ADAMTS17: variants seen among roughly 807,000 people sequenced by gnomAD.
ADAMTS17 encodes ADAM metallopeptidase with thrombospondin type 1 motif 17, also known as A disintegrin and metalloproteinase with thrombospondin motifs 17.
A neutral mutation model predicts 141.5 loss-of-function variants in ADAMTS17; 113 were observed. The ratio of observed to expected loss-of-function variants is 0.80; its 90% confidence interval spans 0.69 to 0.93. The LOEUF is 0.93. ADAMTS17 is among the 40% of genes least tolerant of loss of function. ADAMTS17 has a pLI of 0.00. For synonymous variants in ADAMTS17, 768 were observed against 630.6 expected, an observed-to-expected ratio of 1.22 and a Z score of -3.27; for missense variants, 1,659 against 1,517.9, an observed-to-expected ratio of 1.09 and a Z score of -1.54.
chr15:100,268,818 C>T lies in ADAMTS17; in HGVS notation c.790-6383G>A, dbSNP rs115841142. Among the ~76,000 whole-genome samples the T allele has an allele frequency of 3.3e-3, 502 of 152,194 alleles. 2 individuals carry two copies. The highest frequency in any genetic ancestry group is 0.011 in the African/African-American group (464 of 41,502). ...TAGAACCAAAAAAGGGGCAGAACAGCCAAAGCAATCCTAAGCAAAAATAAT... is the reference window on the plus strand; with the variant it reads ...TAGAACCAAAAAAGGGGCAGAACAGTCAAAGCAATCCTAAGCAAAAATAAT... On this transcript the variant is annotated intron_variant, in intron 4 of 21. Coordinates refer to ENST00000268070, the MANE Select transcript of ADAMTS17 (RefSeq NM_139057.4).
chr15:100,032,623 T>C (rs991127207), intron 18 of ADAMTS17, among the ~76,000 whole-genome samples: 2 of 152,172 alleles, frequency 1.3e-5, no homozygotes, highest in African/African-American at 2.4e-5. Context: ...TGGATATCAA[T>C]TTAGAGCTGC....
At chr15:100,110,502 G>C (rs2141108789) in intron 13 of ADAMTS17, among the ~76,000 whole-genome samples, 1 of 152,062 alleles carries the variant, frequency 6.6e-6, no homozygotes, top group Admixed American at 6.6e-5. Flanking sequence ...CTGACCTCGT[G>C]ACTTGCCTGC....
intron 4 of ADAMTS17, among the ~76,000 whole-genome samples, chr15:100,262,722 T>C (rs973684849): frequency 2.7e-5 from 4 of 150,822 alleles, no homozygotes; most frequent in Non-Finnish European, 4.4e-5. Context: ...AAAATACAAA[T>C]TCCATTCATA....
At chr15:100,298,665 A>G (rs770970770) in intron 3 of ADAMTS17, among the ~76,000 whole-genome samples, 32 of 152,222 alleles carry the variant, frequency 2.1e-4, no homozygotes, top group Non-Finnish European at 3.5e-4. Context: ...CACCAAGTAC[A>G]TGCACAAAGA....
At chr15:100,246,698 T>C (rs577671156) in intron 7 of ADAMTS17, among the ~76,000 whole-genome samples, 2 of 152,240 alleles carry the variant, frequency 1.3e-5, no homozygotes, top group East Asian at 3.9e-4. Context: ...TCGTAGGCAA[T>C]GTCTGGAGAC....
At chr15:100,106,490 C>T (rs1401359443) in intron 14 of ADAMTS17, among the ~76,000 whole-genome samples, 1 of 152,172 alleles carries the variant, frequency 6.6e-6, no homozygotes, top group Non-Finnish European at 1.5e-5. Context: ...TATGGAACAT[C>T]CTCTAGTTGA....
At chr15:100,012,432 T>C (rs1033196772) in intron 18 of ADAMTS17, among the ~76,000 whole-genome samples, 2 of 152,228 alleles carry the variant, frequency 1.3e-5, no homozygotes, top group African/African-American at 4.8e-5. Flanking sequence ...GGTTGCTTTT[T>C]AGTTCTTGGT....
intron 7 of ADAMTS17, among the ~76,000 whole-genome samples, chr15:100,219,974 G>C (rs1255144512): frequency 6.6e-6 from 1 of 152,148 alleles, no homozygotes; most frequent in Non-Finnish European, 1.5e-5. Flanking sequence ...AATTTTATGA[G>C]GCGGGTACAA....
At chr15:100,132,823 A>T (rs1174553810) in intron 11 of ADAMTS17, among the ~76,000 whole-genome samples, 1 of 152,174 alleles carries the variant, frequency 6.6e-6, no homozygotes, top group Non-Finnish European at 1.5e-5. Context: ...ATGAGGAACA[A>T]GCTCATTCTC....
chr15:100,281,195 G>GC (rs751171561), intron 4 of ADAMTS17, 34 bp downstream of exon 4: 5 of 1,599,608 alleles, frequency 3.1e-6, no homozygotes, highest in Non-Finnish European at 3.4e-6. Context: ...AGAAAACAGA[G>GC]CCCCCCACAT....
At chr15:100,206,121 G>A (rs1013135707) in intron 7 of ADAMTS17, among the ~76,000 whole-genome samples, 1 of 152,216 alleles carries the variant, frequency 6.6e-6, no homozygotes, top group Non-Finnish European at 1.5e-5. Context: ...ACGGCGGGCG[G>A]CACCGTGAAT....
chr15:100,237,262 C>G (rs923957432), intron 7 of ADAMTS17, among the ~76,000 whole-genome samples: 4 of 152,174 alleles, frequency 2.6e-5, no homozygotes, highest in Non-Finnish European at 4.4e-5. Flanking sequence ...GAGGACGGCA[C>G]CAGGCAAGCA....
In ADAMTS17 at chr15:100,330,892, T is replaced by TTAGA; in HGVS notation, c.609_612dup (p.Thr205SerfsTer73). 1 of 1,614,164 alleles carries TTAGA rather than the reference T, an allele frequency of 6.2e-7. No homozygotes were observed. Among genetic ancestry groups the TTAGA allele is most frequent in the Non-Finnish European group, 8.5e-7 (1 of 1,180,012 alleles). The stretch of plus-strand genomic sequence containing the variant: ...TCATGCTGCTGCCCCGACTCACCTG[T>TTAGA]TAGAACCTTGCAGAGCTGCTCAGGT... On this transcript the variant is annotated frameshift_variant, in exon 3 of 22. Coordinates refer to ENST00000268070, the MANE Select transcript of ADAMTS17 (RefSeq NM_139057.4). LOFTEE classifies it high-confidence loss of function.
chr15:100,099,378 G>C (rs1346133736), intron 14 of ADAMTS17, among the ~76,000 whole-genome samples: 2 of 152,160 alleles, frequency 1.3e-5, no homozygotes, highest in African/African-American at 4.8e-5. Flanking sequence ...TTATAATCTT[G>C]GCAGAAACTG....
chr15:100,194,854 G>T (rs978438897), intron 8 of ADAMTS17, among the ~76,000 whole-genome samples: 33 of 152,146 alleles, frequency 2.2e-4, no homozygotes, highest in African/African-American at 7.7e-4. Context: ...TCTTAGCAAG[G>T]ATCAGCGGGT....
chr15:100,307,493 T>C (rs2045264736), intron 3 of ADAMTS17, among the ~76,000 whole-genome samples: 1 of 152,210 alleles, frequency 6.6e-6, no homozygotes, highest in Admixed American at 6.5e-5. Flanking sequence ...GGTCCAGCCA[T>C]GACTAAAGCT....
chr15:99,990,687 G>C (rs1893705373), intron 20 of ADAMTS17, among the ~76,000 whole-genome samples: 1 of 151,694 alleles, frequency 6.6e-6, no homozygotes. Flanking sequence ...GGGCTGATGG[G>C]AAGGTGGTAG....
intron 4 of ADAMTS17, among the ~76,000 whole-genome samples, chr15:100,277,638 C>A (rs2044145210): frequency 1.3e-5 from 2 of 152,214 alleles, no homozygotes; most frequent in Admixed American, 1.3e-4. Flanking sequence ...AGCAATGCAG[C>A]CCGTCATTAA....
chr15:100,081,053 C>CA (rs1465073366), intron 15 of ADAMTS17, among the ~76,000 whole-genome samples: 2 of 152,056 alleles, frequency 1.3e-5, no homozygotes, highest in African/African-American at 2.4e-5. Flanking sequence ...AGGGTGTTGC[C>CA]AAAAGAGTTT....
Sources: allele counts gnomAD v4.1 joint callset (sites outside exome capture counted in the v4.1 genomes callset), GRCh38; gene constraint gnomAD v4.1.1; transcripts MANE v1.5; gene names NCBI Gene and HGNC (gene_info 2026-07-23, HGNC 2026-07-21).